CREBRF: variants seen among roughly 807,000 people sequenced by gnomAD.
The protein encoded by CREBRF is CREB3 regulatory factor.
In CREBRF, 5 loss-of-function variants were observed where a neutral mutation model predicts 66.1. The ratio of observed to expected loss-of-function variants is 0.08; its 90% CI spans 0.04 to 0.16. The LOEUF is 0.16. Among genes scored for constraint, CREBRF ranks in the 10% least tolerant of loss-of-function variants. The probability of loss-of-function intolerance (pLI) is 1.00; values close to 1 mark genes in which losing one functional copy is unlikely to be tolerated. For synonymous variants in CREBRF, 229 were observed against 264.4 expected (o/e 0.87, Z 1.30); for missense variants, 531 against 744.9 (o/e 0.71, Z 3.34).
At chr5:173,085,411 T>C in intron 2 of CREBRF, 2 of 952,956 alleles carry the variant, frequency 2.1e-6, no homozygotes, top group Non-Finnish European at 3.2e-6. Flanking sequence ...GTCAAATACA[T>C]TCTTTTTTTT....
intron 1 of CREBRF, among the ~76,000 whole-genome samples, chr5:173,058,728 G>A (rs1350784678): frequency 1.4e-5 from 2 of 143,942 alleles, no homozygotes; most frequent in Non-Finnish European, 3.0e-5. Context: ...TTCGTGATCC[G>A]CCCCCCTCGG....
chr5:173,063,600 C>A (rs1322203803), intron 1 of CREBRF, among the ~76,000 whole-genome samples: 1 of 152,118 alleles, frequency 6.6e-6, no homozygotes, highest in Non-Finnish European at 1.5e-5. Flanking sequence ...AACTCCTGAC[C>A]TCAGGTGATC....
intron 1 of CREBRF, among the ~76,000 whole-genome samples, chr5:173,062,583 G>T (rs554469311): frequency 1.3e-5 from 2 of 151,506 alleles, no homozygotes; most frequent in South Asian, 4.2e-4. Context: ...AGTTAGACTT[G>T]TTGAATATTC....
intron 1 of CREBRF, chr5:173,060,498 T>C (rs1757238744): frequency 6.6e-6 from 1 of 152,148 alleles, no homozygotes; most frequent in Non-Finnish European, 1.5e-5. Context: ...CCCAAAGAGC[T>C]GGGATTACAG....
rs1331038102 is a variant in CREBRF at position 173,136,768 on chromosome 5, G to A, written c.*3023G>A. On this transcript the variant is annotated 3_prime_UTR_variant, in exon 9 of 9. Coordinates refer to ENST00000296953, the MANE Select transcript of CREBRF (RefSeq NM_153607.3). ...TACATGTTCTGTTTTTGAAAATTGTGGCATGTATTTTTGGGTGAAGATCAT... is the reference window on the plus strand; with the variant it reads ...TACATGTTCTGTTTTTGAAAATTGTAGCATGTATTTTTGGGTGAAGATCAT... 2.6e-5 allele frequency: 4 copies of A among 152,292 alleles called. No homozygotes were observed. The highest frequency in any genetic ancestry group is 4.8e-5 in the African/African-American group (2 of 41,396). 9.4% of individuals were successfully genotyped at this position (152,292 alleles called of 1,614,324 possible). A position where few individuals can be genotyped will look rare whatever the true frequency, so the allele number is the denominator to read the frequency against.
rs1251912045 is a variant in CREBRF at position 173,090,835 on chromosome 5, T to G, written c.656T>G (p.Met219Arg). The part of the protein sequence containing the change: ...SSTQIMVKTN[M>R]YHNEKVNFHV... ...ACACAAATCATGGTGAAGACCAACATGTATCATAATGAAAAGGTGAACTTT... is the reference window on the plus strand; with the variant it reads ...ACACAAATCATGGTGAAGACCAACAGGTATCATAATGAAAAGGTGAACTTT... The change falls in exon 4 of 9, where the codon ATG becomes AGG. Residue 219 changes from methionine to arginine, a missense_variant. By Grantham distance (91) the Met-to-Arg change is moderately conservative. Around this residue, in one of 5 missense-constraint regions of CREBRF, gnomAD observed 309 missense variants for 341.4 expected, o/e 0.90. Coordinates refer to ENST00000296953, the MANE Select transcript of CREBRF (RefSeq NM_153607.3). This position sits in a 1 kb window ranked among gnomAD's most constrained non-coding sequence, Gnocchi z 4.5. 1.2e-6 allele frequency: 2 copies of G among 1,614,088 alleles called. No homozygotes were observed. The highest frequency in any genetic ancestry group is 2.2e-5 in the East Asian group (1 of 44,884).
chr5:173,108,915 T>C lies in CREBRF; in HGVS notation c.1417+97T>C, dbSNP rs186077834. The C allele has an allele frequency of 4.8e-5, 54 of 1,119,852 alleles. No individual in the cohort carries two copies. In the East Asian group the frequency reaches 1.0e-3, roughly 21 times the overall value. 69.4% of individuals were successfully genotyped at this position (1,119,852 alleles called of 1,614,324 possible). On this transcript the variant is annotated intron_variant, in intron 5 of 8. Coordinates refer to ENST00000296953, the MANE Select transcript of CREBRF (RefSeq NM_153607.3). ...TCCGTGTACCTAGGCATTCAGCCCTTCCTAGCAAACTGGAGATGGGGACTG... is the reference window on the plus strand; with the variant it reads ...TCCGTGTACCTAGGCATTCAGCCCTCCCTAGCAAACTGGAGATGGGGACTG...
chr5:173,104,737 GAGAGT>G (rs1758709201), intron 4 of CREBRF, among the ~76,000 whole-genome samples: 2 of 151,468 alleles, frequency 1.3e-5, no homozygotes, highest in South Asian at 4.2e-4. Flanking sequence ...GAGAGAGAGA[GAGAGT>G]GTGTGTGTGT....
At chr5:173,108,547 A>AG in intron 4 of CREBRF, 77 bp from the exon 5 acceptor site, 1 of 1,212,406 alleles carries the variant, frequency 8.2e-7, no homozygotes. Context: ...AGTTACAAAT[A>AG]GAAGGGGTCT....
In CREBRF at chr5:173,095,696, C is replaced by T. The variant is rs187934143; in HGVS notation, c.1222+4295C>T. Reference sequence around the variant, plus strand: ...GATATTTTGGCCGTATTAATTCTTCCAATCCATAAACATAGGATATCTTTC... The same window carrying T: ...GATATTTTGGCCGTATTAATTCTTCTAATCCATAAACATAGGATATCTTTC... On this transcript the variant is annotated intron_variant, in intron 4 of 8. Coordinates refer to ENST00000296953, the MANE Select transcript of CREBRF (RefSeq NM_153607.3). Among the ~76,000 whole-genome samples the T allele has an allele frequency of 1.6e-3, 249 of 152,170 alleles. 2 individuals carry two copies. Among genetic ancestry groups the T allele is most frequent in the African/African-American group, 5.2e-3 (214 of 41,534 alleles).
At position 173,090,742 on chromosome 5, in the gene CREBRF, C is replaced by T. The variant is rs1332017691; in HGVS notation, c.563C>T (p.Ser188Phe). 2.5e-6 allele frequency: 4 copies of T among 1,614,036 alleles called. No individual in the cohort carries two copies. The African/African-American group carries it at 5.3e-5, about 22-fold the overall frequency. The stretch of plus-strand genomic sequence containing the variant: ...AGAGCAGCTGCTCCTGTGTGTTCTT[C>T]TAAGACTCTGCAGGCTGAGGTCCCT... ...TSRAAAPVCS[S>F]KTLQAEVPLS... Residue 188 changes from serine (S) to phenylalanine (F), a missense_variant, in exon 4 of 9, where the codon TCT (serine) becomes TTT (phenylalanine). Physicochemically the swap from Ser to Phe is radical, Grantham distance 155. This residue lies in a region of CREBRF where 309 missense variants were observed against 341.4 expected (regional missense o/e 0.90). Coordinates refer to ENST00000296953, the MANE Select transcript of CREBRF (RefSeq NM_153607.3). This position sits in a 1 kb window ranked among gnomAD's most constrained non-coding sequence, Gnocchi z 4.5.
intron 8 of CREBRF, among the ~76,000 whole-genome samples, 159 bp from the exon 9 acceptor site, chr5:173,133,471 C>T (rs1759519973): frequency 6.6e-6 from 1 of 152,158 alleles, no homozygotes; most frequent in Non-Finnish European, 1.5e-5. Context: ...TGAAGGGTAG[C>T]ATTGTTTTCT....
intron 7 of CREBRF, among the ~76,000 whole-genome samples, chr5:173,121,489 AT>A (rs1327331383): frequency 6.6e-6 from 1 of 151,368 alleles, no homozygotes; most frequent in African/African-American, 2.4e-5. Flanking sequence ...CGCCCAACTA[AT>A]TTTTTGTATT....
chr5:173,081,935 G>A (rs577181756), intron 2 of CREBRF, among the ~76,000 whole-genome samples: 1 of 147,016 alleles, frequency 6.8e-6, no homozygotes, highest in East Asian at 2.1e-4. Context: ...GCTGCCTACC[G>A]CCACCCCAAC....
chr5:173,130,600 C>T (rs1487210576), intron 8 of CREBRF, among the ~76,000 whole-genome samples: 1 of 151,974 alleles, frequency 6.6e-6, no homozygotes, highest in African/African-American at 2.4e-5. Flanking sequence ...TCATAGCTCA[C>T]TGCAGCCTCC....
intron 1 of CREBRF, among the ~76,000 whole-genome samples, chr5:173,075,222 G>A (rs978507436): frequency 5.3e-5 from 8 of 152,142 alleles, no homozygotes; most frequent in African/African-American, 1.7e-4. Context: ...AATCTGTTTT[G>A]AATTTTACTT....
intron 1 of CREBRF, among the ~76,000 whole-genome samples, chr5:173,061,641 A>G (rs1757276867): frequency 6.6e-6 from 1 of 152,218 alleles, no homozygotes; most frequent in Non-Finnish European, 1.5e-5. Context: ...TAGTCAACAC[A>G]TGTAGTTCTT....
chr5:173,059,183 G>T (rs1212102980), intron 1 of CREBRF, among the ~76,000 whole-genome samples: 1 of 151,002 alleles, frequency 6.6e-6, no homozygotes, highest in African/African-American at 2.4e-5. Context: ...CTGATTATTT[G>T]ATAAACTTGA....
In CREBRF at chr5:173,127,775, A is replaced by G. The variant is rs1581050865; in HGVS notation, c.1804+4573A>G. Among the ~76,000 whole-genome samples, 3 of 152,042 alleles carry G rather than the reference A, an allele frequency of 2.0e-5. No homozygotes were observed. In the East Asian group the frequency reaches 5.8e-4, roughly 29 times the overall value. ...GCCTGGCCTGAGTTTATTTTTCTTA[A>G]AGGTAATTTCTCTGTCAGGTTACAA... On this transcript the variant is annotated intron_variant, in intron 8 of 8. Coordinates refer to ENST00000296953, the MANE Select transcript of CREBRF (RefSeq NM_153607.3).
Sources: gnomAD v4.1 joint callset for allele counts (sites outside exome capture counted in the v4.1 genomes callset) on GRCh38, gnomAD v4.1.1 for gene constraint, gnomAD v4.1.1 regional missense constraint, Gnocchi (gnomAD v3.1) non-coding constraint, MANE v1.5 for transcripts, NCBI Gene and HGNC (gene_info 2026-07-23, HGNC 2026-07-21) for gene names.